FBXL2: variants seen among roughly 807,000 people sequenced by gnomAD.
FBXL2 encodes F-box and leucine rich repeat protein 2, also known as F-box/LRR-repeat protein 2.
A neutral mutation model predicts 69.2 loss-of-function variants in FBXL2; 38 were observed. That is an observed-to-expected ratio of 0.55 (90% CI 0.42 to 0.72). FBXL2 has a LOEUF of 0.72. Among genes scored for constraint, FBXL2 ranks in the 30% least tolerant of loss-of-function variants. The pLI is 0.00. For missense variants in FBXL2, 354 were observed against 520.3 expected (o/e 0.68, Z 3.11); for synonymous variants, 192 against 201.3 (o/e 0.95, Z 0.39).
At chr3:33,343,147 AATTATATATATAT>A in intron 2 of FBXL2, among the ~76,000 whole-genome samples, 1 of 152,112 alleles carries the variant, frequency 6.6e-6, no homozygotes. Flanking sequence ...TATTCAAAGC[AATTATATATATAT>A]GATAGTTAAA....
At chr3:33,406,893 G>A (rs1019572139), downstream of FBXL2, among the ~76,000 whole-genome samples, 13 of 152,236 alleles carry the variant, frequency 8.5e-5, no homozygotes, top group African/African-American at 2.9e-4. Context: ...TTTGTTGTAC[G>A]GCATCTCCTG....
chr3:33,382,480 A>G (rs2043129181), intron 13 of FBXL2: 1 of 152,182 alleles, frequency 6.6e-6, no homozygotes, highest in African/African-American at 2.4e-5. Flanking sequence ...ATATGAATGG[A>G]ATTATCATGT....
intron 2 of FBXL2, among the ~76,000 whole-genome samples, chr3:33,341,603 G>A (rs1237481502): frequency 6.6e-6 from 1 of 152,076 alleles, no homozygotes; most frequent in Non-Finnish European, 1.5e-5. Context: ...GCTGAGGCAG[G>A]CAGATCACCT....
rs761114077 is a variant in FBXL2 at position 33,400,161 on chromosome 3, G to A, written n.1215-3073G>A. The stretch of plus-strand genomic sequence containing the variant: ...AGAAACAAAAACAAAACATTCTCAT[G>A]CACAGATACACACACACATACACAT... On this transcript the variant is annotated intron_variant and non_coding_transcript_variant, in intron 12 of 12. Coordinates refer to the FBXL2 transcript ENST00000463736. 5.1e-6 allele frequency: 7 copies of A among 1,378,376 alleles called. No homozygotes were observed. The South Asian group carries it at 9.4e-5, about 19-fold the overall frequency. 85.4% of individuals were successfully genotyped at this position (1,378,376 alleles called of 1,614,324 possible).
At chr3:33,362,445 G>T (rs1445582985) in intron 4 of FBXL2, among the ~76,000 whole-genome samples, 2 of 152,168 alleles carry the variant, frequency 1.3e-5, no homozygotes, top group Non-Finnish European at 2.9e-5. Flanking sequence ...ATAAGACACA[G>T]AGTCACTGGC....
chr3:33,328,573 C>T lies in FBXL2; in HGVS notation c.66-30394C>T, dbSNP rs571500417. 2.6e-5 allele frequency among the ~76,000 whole-genome samples: 4 copies of T among 152,058 alleles called. No individual in the cohort carries two copies. In the South Asian group the frequency reaches 8.3e-4, roughly 32 times the overall value. ...CTTACAGCCAACTCATTTTTGACAA[C>T]GGCACCAAGAACATAAAATGGGGAA... On this transcript the variant is annotated intron_variant, in intron 2 of 14. Transcript: ENST00000484457.
At chr3:33,397,238 G>C (rs1056247893) in intron 12 of FBXL2, 9 of 813,046 alleles carry the variant, frequency 1.1e-5, no homozygotes, top group Non-Finnish European at 1.1e-5. Flanking sequence ...AAAATAATCA[G>C]ATATCCTGAA....
At chr3:33,408,656 T>C (rs769750651), downstream of FBXL2, 35 of 1,583,588 alleles carry the variant, frequency 2.2e-5, no homozygotes, top group Admixed American at 1.5e-4. Flanking sequence ...ACAAGGTTTC[T>C]TGCACAATGA....
At chr3:33,364,020 A>T (rs565418193) in intron 4 of FBXL2, among the ~76,000 whole-genome samples, 19 of 152,328 alleles carry the variant, frequency 1.2e-4, no homozygotes, top group Admixed American at 3.3e-4. Context: ...AACATTTTTT[A>T]AAAAGTGGAG....
chr3:33,299,166 T>G (rs1353163695), intron 2 of FBXL2, among the ~76,000 whole-genome samples: 1 of 151,846 alleles, frequency 6.6e-6, no homozygotes, highest in Non-Finnish European at 1.5e-5. Context: ...CTCAGCCTCC[T>G]GAGTAGCTGG....
At position 33,354,478 on chromosome 3, in the gene FBXL2, A is replaced by G. The variant is rs573693205; in HGVS notation, c.66-4489A>G. On this transcript the variant is annotated intron_variant, in intron 2 of 14. Coordinates refer to ENST00000484457, the MANE Select transcript of FBXL2 (RefSeq NM_012157.5). The stretch of plus-strand genomic sequence containing the variant: ...CAGTGAGCCGAGATCACGCCACTAC[A>G]CTCCAGCCTGGGTGACAGAGTGAGA... 1.8e-3 allele frequency among the ~76,000 whole-genome samples: 267 copies of G among 151,850 alleles called. 2 individuals carry two copies. Among genetic ancestry groups the G allele is most frequent in the Non-Finnish European group, 3.3e-3 (223 of 67,970 alleles).
the FBXL2 span, among the ~76,000 whole-genome samples, chr3:33,422,041 T>A: frequency 6.6e-6 from 1 of 151,866 alleles, no homozygotes; most frequent in South Asian, 2.1e-4. Context: ...AGACCCTGTC[T>A]CAAAAAATAA....
rs201278871 is a variant in FBXL2, at chr3:33,358,938, G to A, written c.66-29G>A. 5.0e-4 allele frequency: 710 copies of A among 1,426,438 alleles called. 1 individual carries two copies. The highest frequency in any genetic ancestry group is 6.4e-4 in the Non-Finnish European group (672 of 1,050,288). The allele number at this position is 1,426,438 out of a possible 1,614,324, so 88.4% of individuals were successfully genotyped here. On this transcript the variant is annotated intron_variant, in intron 2 of 14. Coordinates refer to ENST00000484457, the MANE Select transcript of FBXL2 (RefSeq NM_012157.5). ...TATCCTGAAATGTTAACACCATCTC[G>A]TTTTTGTGTTTTTTTCCTCTCTCTG...
At chr3:33,316,061 C>CTTT (rs112932404) in intron 2 of FBXL2, among the ~76,000 whole-genome samples, 1 of 141,478 alleles carries the variant, frequency 7.1e-6, no homozygotes. Context: ...GTTTTGCTTA[C>CTTT]TTTTTTTTTT....
chr3:33,282,223 A>C (rs2034093975), intron 1 of FBXL2, among the ~76,000 whole-genome samples: 1 of 152,120 alleles, frequency 6.6e-6, no homozygotes, highest in Admixed American at 6.5e-5. Flanking sequence ...TAATTTTTGT[A>C]TAAGGTATAA....
At chr3:33,408,945 CA>C in the FBXL2 span, 1 of 876,082 alleles carries the variant, frequency 1.1e-6, no homozygotes. Flanking sequence ...CCAGCAGTGA[CA>C]AAAATTGGAC....
intron 2 of FBXL2, among the ~76,000 whole-genome samples, chr3:33,348,911 A>G (rs892471592): frequency 6.6e-6 from 1 of 151,808 alleles, no homozygotes; most frequent in African/African-American, 2.4e-5. Flanking sequence ...TTTCTTTTTC[A>G]TATTCTTCAC....
chr3:33,333,977 G>A (rs1276319881), intron 2 of FBXL2, among the ~76,000 whole-genome samples: 2 of 151,942 alleles, frequency 1.3e-5, no homozygotes, highest in African/African-American at 4.8e-5. Flanking sequence ...AAACACAGCT[G>A]ATCTAAGTGT....
intron 2 of FBXL2, among the ~76,000 whole-genome samples, chr3:33,310,654 G>T (rs2037110254): frequency 6.6e-6 from 1 of 151,956 alleles, no homozygotes. Flanking sequence ...GTCTGATGGT[G>T]ATGAACTCCT....
Sources: allele counts gnomAD v4.1 joint callset (sites outside exome capture counted in the v4.1 genomes callset), GRCh38; gene constraint gnomAD v4.1.1; transcripts MANE v1.5; gene names NCBI Gene and HGNC (gene_info 2026-07-23, HGNC 2026-07-21).